Variants in NEBL observed in about 807,000 individuals in gnomAD.
NEBL encodes the protein LIM and SH3 protein 2.
Under a neutral mutation model 140.2 loss-of-function variants are expected in NEBL, and 122 were observed. That is an observed-to-expected ratio of 0.87 (90% CI 0.75 to 1.01). The LOEUF is 1.01. Ranked by LOEUF, NEBL falls within the 50% of genes least tolerant of loss-of-function variation. The pLI, the probability that NEBL is intolerant of heterozygous loss-of-function variation, is 0.00. For synonymous variants in NEBL, 436 were observed against 398.9 expected (o/e 1.09, Z -1.11); for missense variants, 1,365 against 1,231.3 (o/e 1.11, Z -1.62).
intron 2 of NEBL, among the ~76,000 whole-genome samples, chr10:21,131,628 T>C (rs1839111133): frequency 6.6e-6 from 1 of 150,632 alleles, no homozygotes; most frequent in Non-Finnish European, 1.5e-5. Context: ...TTCCATATGT[T>C]ATTGTTTTCA....
intron 4 of NEBL, among the ~76,000 whole-genome samples, chr10:20,949,032 G>C (rs940800349): frequency 6.6e-6 from 1 of 152,196 alleles, no homozygotes; most frequent in Non-Finnish European, 1.5e-5. Context: ...ATGCATGTAT[G>C]TTTTTAAAAG....
upstream of NEBL, among the ~76,000 whole-genome samples, chr10:20,898,696 A>G (rs1484273519): frequency 1.3e-5 from 2 of 152,134 alleles, no homozygotes; most frequent in Non-Finnish European, 2.9e-5. Context: ...CCTTCAACCA[A>G]AAAACCTGCT....
rs1028560742 is a variant in NEBL, at chr10:20,782,003, T to C, written c.*3744A>G. The C allele has an allele frequency of 6.6e-6, 1 of 152,620 alleles. No individual in the cohort carries two copies. The highest frequency in any genetic ancestry group is 1.5e-5 in the Non-Finnish European group (1 of 68,018). The allele number at this position is 152,620 out of a possible 1,614,324, so 9.5% of individuals were successfully genotyped here. On this transcript the variant is annotated 3_prime_UTR_variant, in exon 28 of 28. Transcript: ENST00000377122. ...GCCTCACAATTATTCTATCTTACAA[T>C]AGGCATTTTAAATCCCAAATCTAAA...
intron 3 of NEBL, among the ~76,000 whole-genome samples, chr10:21,230,939 T>TG (rs1842241458): frequency 6.6e-6 from 1 of 152,058 alleles, no homozygotes; most frequent in Admixed American, 6.6e-5. Flanking sequence ...GGAACCCCCA[T>TG]GCCAGTCCAT....
At chr10:21,266,144 T>C (rs1712956725) in intron 1 of NEBL, among the ~76,000 whole-genome samples, 1 of 152,126 alleles carries the variant, frequency 6.6e-6, no homozygotes, top group Non-Finnish European at 1.5e-5. Flanking sequence ...AGTTTCTTTT[T>C]GTTTTTGTTT....
At chr10:21,279,436 C>T (rs1342720745) in intron 1 of NEBL, among the ~76,000 whole-genome samples, 1 of 151,836 alleles carries the variant, frequency 6.6e-6, no homozygotes, top group African/African-American at 2.4e-5. Flanking sequence ...ACTGGGATTA[C>T]AGGCCACCAT....
chr10:21,199,609 T>A (rs968735560), intron 3 of NEBL, among the ~76,000 whole-genome samples: 1 of 152,180 alleles, frequency 6.6e-6, no homozygotes, highest in Non-Finnish European at 1.5e-5. Flanking sequence ...CTTGGACTGA[T>A]CTGAGAAGGA....
At chr10:21,186,609 G>T (rs1464146596) in intron 3 of NEBL, among the ~76,000 whole-genome samples, 1 of 151,540 alleles carries the variant, frequency 6.6e-6, no homozygotes, top group Non-Finnish European at 1.5e-5. Flanking sequence ...TTAGAATGTG[G>T]CCCAACACAA....
upstream of NEBL, among the ~76,000 whole-genome samples, chr10:21,176,423 A>T (rs911983557): frequency 6.6e-6 from 1 of 152,360 alleles, no homozygotes; most frequent in South Asian, 2.1e-4. Context: ...AAGAAGCGAT[A>T]CATGCTCAGA....
chr10:21,256,570 C>G (rs2132276893), intron 1 of NEBL, among the ~76,000 whole-genome samples: 1 of 152,176 alleles, frequency 6.6e-6, no homozygotes, highest in South Asian at 2.1e-4. Flanking sequence ...GTAGCTCATG[C>G]CTGTAATCCC....
chr10:21,157,771 C>T (rs776216250), intron 2 of NEBL, among the ~76,000 whole-genome samples: 13 of 152,052 alleles, frequency 8.5e-5, no homozygotes, highest in Non-Finnish European at 1.9e-4. Context: ...CCACAGACCT[C>T]GGAATGTGAC....
chr10:21,036,059 G>T (rs970420589), intron 2 of NEBL, among the ~76,000 whole-genome samples: 1 of 151,928 alleles, frequency 6.6e-6, no homozygotes, highest in Non-Finnish European at 1.5e-5. Flanking sequence ...GCTACTCAGG[G>T]AGCCGAGGCA....
At chr10:20,848,241 T>C (rs536038349) in intron 11 of NEBL, among the ~76,000 whole-genome samples, 1 of 152,232 alleles carries the variant, frequency 6.6e-6, no homozygotes. Context: ...ATACTTTATA[T>C]ACTTTATACA....
upstream of NEBL, chr10:20,897,658 G>C: frequency 1.8e-6 from 1 of 570,328 alleles, no homozygotes; most frequent in Non-Finnish European, 2.2e-6. Context: ...TCTAAATAAA[G>C]CTTTCACTGG....
chr10:21,171,592 A>G (rs2132184216), intron 2 of NEBL: 1 of 152,332 alleles, frequency 6.6e-6, no homozygotes, highest in African/African-American at 2.4e-5. Context: ...TACCCGCCAC[A>G]TGGGGGTAAT....
At chr10:21,131,531 A>G (rs1839105881) in intron 2 of NEBL, among the ~76,000 whole-genome samples, 1 of 152,216 alleles carries the variant, frequency 6.6e-6, no homozygotes, top group Non-Finnish European at 1.5e-5. Flanking sequence ...AAACAGAAGT[A>G]ACAAAATCAA....
intron 11 of NEBL, among the ~76,000 whole-genome samples, chr10:20,846,352 G>T (rs2131015444): frequency 6.6e-6 from 1 of 152,274 alleles, no homozygotes; most frequent in South Asian, 2.1e-4. Flanking sequence ...TTTCCAGGTT[G>T]ATTATTTATT....
chr10:20,970,254 C>T (rs16921286), intron 3 of NEBL, among the ~76,000 whole-genome samples: 14,030 of 152,204 alleles, frequency 0.092, 986 homozygotes, highest in African/African-American at 0.2. Flanking sequence ...TGTTGACTCA[C>T]TCACTCATCA....
intron 4 of NEBL, among the ~76,000 whole-genome samples, chr10:20,944,737 A>C (rs1489551090): frequency 6.6e-6 from 1 of 152,224 alleles, no homozygotes; most frequent in Non-Finnish European, 1.5e-5. Flanking sequence ...TTGTCATTCA[A>C]TTCTAAATCA....
Sources: gnomAD v4.1 joint callset for allele counts (sites outside exome capture counted in the v4.1 genomes callset) on GRCh38, gnomAD v4.1.1 for gene constraint, MANE v1.5 for transcripts, NCBI Gene and HGNC (gene_info 2026-07-23, HGNC 2026-07-21) for gene names.